Variants in ZNF211 observed in about 807,000 individuals in gnomAD.
ZNF211 encodes the protein zinc finger protein 211.
ZNF211 carries 18 observed loss-of-function variants against 12.1 expected under a neutral mutation model. The observed-to-expected ratio is 1.48, with a 90% CI of 1.03 to 2.20. ZNF211 has a LOEUF of 2.20. ZNF211 is among the 30% of genes most tolerant of loss of function. ZNF211 has a pLI of 0.00. For synonymous variants in ZNF211, 249 were observed against 246.0 expected (o/e 1.01, Z -0.11); for missense variants, 677 against 703.1 (o/e 0.96, Z 0.42).
At chr19:57,637,867 A>G (rs968800061) in intron 3 of ZNF211, among the ~76,000 whole-genome samples, 68 of 151,678 alleles carry the variant, frequency 4.5e-4, no homozygotes, top group Non-Finnish European at 3.5e-4. Flanking sequence ...TGAAGCCATC[A>G]AGTCAAGGGC....
At chr19:57,633,997 C>A in intron 1 of ZNF211, 26 bp from the exon 2 acceptor site, 3 of 1,593,730 alleles carry the variant, frequency 1.9e-6, no homozygotes, top group Non-Finnish European at 2.6e-6. Flanking sequence ...TGATCACATT[C>A]CTCTGAGGCC....
intron 3 of ZNF211, among the ~76,000 whole-genome samples, chr19:57,638,585 G>A (rs1264697621): frequency 1.3e-5 from 2 of 152,134 alleles, no homozygotes; most frequent in South Asian, 2.1e-4. Flanking sequence ...CACTGTGGTT[G>A]GAGAAGATAC....
At position 57,642,519 on chromosome 19, in the gene ZNF211, A is replaced by G. The variant is rs1983111079; in HGVS notation, c.*338A>G. On this transcript the variant is annotated 3_prime_UTR_variant, in exon 4 of 4. Coordinates refer to ENST00000240731, the MANE Select transcript of ZNF211 (RefSeq NM_006385.5). ...ACCTCTGCTTCTCCCCATTTGCTAG[A>G]AGAAATCATGAATAGTCTGAGTCTT... 4.6e-6 allele frequency: 1 copy of G among 217,330 alleles called. No individual in the cohort carries two copies. The highest frequency in any genetic ancestry group is 9.3e-6 in the Non-Finnish European group (1 of 108,084). 13.5% of individuals were successfully genotyped at this position (217,330 alleles called of 1,614,324 possible).
chr19:57,640,180 G>A lies in ZNF211; in HGVS notation c.257-524G>A, dbSNP rs1302937082. ...TTCACTCTTAACAGTTTACAAACTT[G>A]TTATTTCTACTACTTGTCATTTTTA... On this transcript the variant is annotated intron_variant, in intron 3 of 3. Transcript: ENST00000240731. 4.0e-6 allele frequency: 5 copies of A among 1,246,638 alleles called. No individual in the cohort carries two copies. The African/African-American group carries it at 4.5e-5, about 11-fold the overall frequency. The allele number at this position is 1,246,638 out of a possible 1,614,324, so 77.2% of individuals were successfully genotyped here. A position where few individuals can be genotyped will look rare whatever the true frequency, so the allele number is the denominator to read the frequency against.
intron 2 of ZNF211, chr19:57,634,337 G>C (rs1981867540): frequency 2.1e-6 from 1 of 465,730 alleles, no homozygotes; most frequent in East Asian, 3.4e-5. Flanking sequence ...GCTGGTTCAG[G>C]GAACTGCAGG....
At position 57,633,373 on chromosome 19, in the gene ZNF211, G is replaced by A. The variant is rs1981676203; in HGVS notation, c.27G>A (p.Pro9=). The A allele has an allele frequency of 6.2e-7, 1 of 1,600,672 alleles. No individual in the cohort carries two copies. The highest frequency in any genetic ancestry group is 1.3e-5 in the African/African-American group (1 of 74,942). Residue 9 remains proline (P), a synonymous_variant, in exon 1 of 4, where the codon CCG becomes CCA. Transcript: ENST00000240731. MLGFPPGR[P]QLPVQLRPQT... Reference sequence around the variant, plus strand: ...TGCTCGGGTTCCCCCCGGGTCGCCCGCAGCTCCCGGTCCAGCTCCGCCCAC... The same window carrying A: ...TGCTCGGGTTCCCCCCGGGTCGCCCACAGCTCCCGGTCCAGCTCCGCCCAC...
Position 57,634,685 on chromosome 19 carries a change from C to T in ZNF211, c.186C>T (p.Leu62=), listed in dbSNP as rs1354160236. Residue 62 remains leucine, a synonymous_variant, in exon 3 of 4, where the codon CTC becomes CTT. Coordinates refer to ENST00000240731, the MANE Select transcript of ZNF211 (RefSeq NM_006385.5). The part of the protein sequence containing the change: ...AVYFSWEEWD[L]LDEAQKHLYF... ...ACTTCTCCTGGGAGGAATGGGATCT[C>T]CTTGATGAGGCTCAGAAACACCTGT... 3 of 1,606,670 alleles carry T rather than the reference C, an allele frequency of 1.9e-6. No homozygotes were observed. The highest frequency in any genetic ancestry group is 2.6e-6 in the Non-Finnish European group (3 of 1,175,948).
Position 57,641,659 on chromosome 19 carries a change from C to T in ZNF211, c.1212C>T (p.His404=). 9 of 1,613,974 alleles carry T rather than the reference C, an allele frequency of 5.6e-6. No homozygotes were observed. The highest frequency in any genetic ancestry group is 7.6e-6 in the Non-Finnish European group (9 of 1,179,906). Residue 404 remains histidine, a synonymous_variant, in exon 4 of 4, where the codon CAC becomes CAT. Transcript: ENST00000240731. The part of the protein sequence containing the change: ...NFSLIYHQRV[H]TGERPHECNE... ...GCCTGATCTACCACCAGAGAGTTCACACTGGAGAAAGACCTCATGAGTGCA... is the reference window on the plus strand; with the variant it reads ...GCCTGATCTACCACCAGAGAGTTCATACTGGAGAAAGACCTCATGAGTGCA...
intron 3 of ZNF211, among the ~76,000 whole-genome samples, chr19:57,636,421 G>A (rs556849158): frequency 1.5e-5 from 2 of 135,550 alleles, no homozygotes; most frequent in Admixed American, 1.4e-4. Context: ...GTGGTGTCAG[G>A]TAAGGGACCA....
intron 2 of ZNF211, chr19:57,634,392 G>A: frequency 2.1e-6 from 1 of 483,942 alleles, no homozygotes; most frequent in Non-Finnish European, 3.4e-6. Context: ...TGAGGAAGTT[G>A]GAGTTTGGGA....
At chr19:57,639,919 A>G (rs1982664706) in intron 3 of ZNF211, 3 of 1,535,178 alleles carry the variant, frequency 2.0e-6, no homozygotes, top group Admixed American at 2.0e-5. Context: ...TAGGACTTAT[A>G]TCATCCTGGT....
In ZNF211 at chr19:57,641,529, A is replaced by T; in HGVS notation, c.1082A>T (p.Lys361Ile). The T allele has an allele frequency of 6.2e-7, 1 of 1,614,200 alleles. No homozygotes were observed. The highest frequency in any genetic ancestry group is 8.5e-7 in the Non-Finnish European group (1 of 1,180,036). ...ERPYECGECG[K>I]SFSQRSNLMQ... is the part of the protein sequence containing the mutation. ...CCTTATGAATGTGGGGAATGTGGGA[A>T]ATCTTTTAGCCAAAGGTCCAACCTC... is the stretch of plus-strand genomic sequence containing the variant. The change falls in exon 4 of 4, where the codon AAA becomes ATA. Residue 361 changes from lysine (K) to isoleucine (I), a missense_variant. By Grantham distance (102) the Lys-to-Ile change is moderately radical. Coordinates refer to ENST00000240731, the MANE Select transcript of ZNF211 (RefSeq NM_006385.5).
intron 3 of ZNF211, among the ~76,000 whole-genome samples, chr19:57,636,107 TA>T (rs1420751502): frequency 1.3e-5 from 2 of 152,196 alleles, no homozygotes; most frequent in African/African-American, 4.8e-5. Context: ...TATAATTTTT[TA>T]TTGAGCTTTA....
At chr19:57,634,830 C>T in intron 3 of ZNF211, 75 bp downstream of exon 3, 3 of 1,430,288 alleles carry the variant, frequency 2.1e-6, no homozygotes, top group Non-Finnish European at 2.8e-6. Context: ...GCAGCTCTGT[C>T]CTCATATCTG....
chr19:57,634,667 C>T lies in ZNF211; in HGVS notation c.168C>T (p.Ser56=). 1.2e-6 allele frequency: 2 copies of T among 1,603,344 alleles called. No homozygotes were observed. The highest frequency in any genetic ancestry group is 8.5e-7 in the Non-Finnish European group (1 of 1,174,086). The change falls in exon 3 of 4, where the codon TCC becomes TCT. Residue 56 remains serine (S), a synonymous_variant. Transcript: ENST00000240731. The part of the protein sequence containing the change: ...VTFEDVAVYF[S]WEEWDLLDEA... ...TTGAAGATGTGGCCGTGTACTTCTC[C>T]TGGGAGGAATGGGATCTCCTTGATG...
chr19:57,636,322 T>A (rs1322821946), intron 3 of ZNF211, among the ~76,000 whole-genome samples: 2 of 152,230 alleles, frequency 1.3e-5, no homozygotes, highest in East Asian at 3.8e-4. Flanking sequence ...ACAAGTCCAA[T>A]GTCATGAAGC....
intron 3 of ZNF211, chr19:57,635,031 A>G (rs1309840631): frequency 1.1e-6 from 1 of 918,844 alleles, no homozygotes; most frequent in African/African-American, 1.8e-5. Flanking sequence ...GATCTATGGC[A>G]CCCAGTTTTC....
chr19:57,634,800 G>C (rs757775373), intron 3 of ZNF211, 45 bp downstream of exon 3: 1 of 1,470,670 alleles, frequency 6.8e-7, no homozygotes, highest in Non-Finnish European at 9.0e-7. Flanking sequence ...TAGGCTCTCT[G>C]TTTCTCCTTT....
At chr19:57,633,460 T>C in intron 1 of ZNF211, 24 bp downstream of exon 1, 1 of 1,574,474 alleles carries the variant, frequency 6.4e-7, no homozygotes, top group South Asian at 1.2e-5. Flanking sequence ...TCTCCGGGCC[T>C]CCCCCGGCCG....
Sources: gnomAD v4.1 joint callset for allele counts (sites outside exome capture counted in the v4.1 genomes callset) on GRCh38, gnomAD v4.1.1 for gene constraint, MANE v1.5 for transcripts, NCBI Gene and HGNC (gene_info 2026-07-23, HGNC 2026-07-21) for gene names.